The following MSH6 variants were observed in gnomAD, a reference collection of about 807,000 sequenced individuals.
The protein encoded by MSH6 is DNA mismatch repair protein Msh6.
A neutral mutation model predicts 119.1 loss-of-function variants in MSH6; 85 were observed. The observed-to-expected ratio is 0.71, with a 90% CI of 0.60 to 0.85. MSH6 has a LOEUF of 0.85. MSH6 is among the 40% of genes least tolerant of loss of function. The pLI, the probability that MSH6 is intolerant of heterozygous loss-of-function variation, is 0.00. For synonymous variants in MSH6, 830 were observed against 586.9 expected, an observed-to-expected ratio of 1.41 and a Z score of -5.99; for missense variants, 2,163 against 1,655.3, an observed-to-expected ratio of 1.31 and a Z score of -5.32.
At position 47,796,057 on chromosome 2, in the gene MSH6, G is replaced by T. The variant is rs1553411509; in HGVS notation, c.621G>T (p.Glu207Asp). The change falls in exon 3 of 10, where the codon GAG becomes GAT. Residue 207 changes from glutamate to aspartate, a missense_variant. Transcript: ENST00000234420. ...CCTCAGAGCCAGAAGAGGAAGAAGA[G>T]ATGGAGGTGGGACACGGCAAGCATT... ...DEPSEPEEEE[E>D]MEVGTTYVTD... 1 of 1,614,142 alleles carries T rather than the reference G, an allele frequency of 6.2e-7. No homozygotes were observed. Among genetic ancestry groups the T allele is most frequent in the Non-Finnish European group, 8.5e-7 (1 of 1,180,018 alleles).
Position 47,798,609 on chromosome 2 carries a change from A to G in MSH6, c.628-2A>G, listed in dbSNP as rs1114167725. 1 of 1,609,282 alleles carries G rather than the reference A, an allele frequency of 6.2e-7. No individual in the cohort carries two copies. The highest frequency in any genetic ancestry group is 1.3e-5 in the African/African-American group (1 of 74,916). ...TTTAAATACTCTTTCCTTGCCTGGC[A>G]GGTAGGCACAACTTACGTAACAGAT... On this transcript the variant is annotated splice_acceptor_variant, in intron 3 of 9. Coordinates refer to ENST00000234420, the MANE Select transcript of MSH6 (RefSeq NM_000179.3). LOFTEE classifies it high-confidence loss of function.
At chr2:47,804,886 G>A in intron 5 of MSH6, 24 bp from the exon 6 acceptor site, 1 of 1,561,306 alleles carries the variant, frequency 6.4e-7, no homozygotes, top group Non-Finnish European at 8.8e-7. Context: ...AGTCATAAAA[G>A]ACCTTTTCCT....
Position 47,783,255 on chromosome 2 carries a change from T to C in MSH6, c.22T>C (p.Tyr8His), listed in dbSNP as rs781670952. ...CGGTATGTCGCGACAGAGCACCCTGTACAGCTTCTTCCCCAAGTCTCCGGC... is the reference window on the plus strand; with the variant it reads ...CGGTATGTCGCGACAGAGCACCCTGCACAGCTTCTTCCCCAAGTCTCCGGC... MSRQSTL[Y>H]SFFPKSPALS... The change falls in exon 1 of 10, where the codon TAC becomes CAC. Residue 8 changes from tyrosine to histidine, a missense_variant. Coordinates refer to ENST00000234420, the MANE Select transcript of MSH6 (RefSeq NM_000179.3). 1 of 1,612,036 alleles carries C rather than the reference T, an allele frequency of 6.2e-7. No homozygotes were observed. Among genetic ancestry groups the C allele is most frequent in the Non-Finnish European group, 8.5e-7 (1 of 1,179,536 alleles).
rs531674673 is a variant in MSH6 at position 47,804,960 on chromosome 2, A to C, written c.3489A>C (p.Glu1163Asp). Residue 1163 changes from glutamate to aspartate, a missense_variant, in exon 6 of 10, where the codon GAA (glutamate) becomes GAC (aspartate). Glu to Asp is a conservative substitution (Grantham distance 45, BLOSUM62 2). Transcript: ENST00000234420. ...MAQMGCYVPA[E>D]VCRLTPIDRV... ...AGATGGGTTGTTACGTCCCTGCTGA[A>C]GTGTGCAGGCTCACACCAATTGATA... is the stretch of plus-strand genomic sequence containing the variant. 3.1e-6 allele frequency: 5 copies of C among 1,614,158 alleles called. No individual in the cohort carries two copies. The highest frequency in any genetic ancestry group is 2.7e-5 in the African/African-American group (2 of 75,034).
Position 47,788,922 on chromosome 2 carries a change from G to GTTT in MSH6, c.261-1982_261-1980dup, listed in dbSNP as rs1558650240. 6.5e-3 allele frequency among the ~76,000 whole-genome samples: 265 copies of GTTT among 40,890 alleles called. 6 individuals carry two copies. The highest frequency in any genetic ancestry group is 9.8e-3 in the Admixed American group (25 of 2,550). The allele number at this position is 40,890 out of a possible 152,430, so 26.8% of individuals were successfully genotyped here. On this transcript the variant is annotated intron_variant, in intron 1 of 9. Coordinates refer to ENST00000234420, the MANE Select transcript of MSH6 (RefSeq NM_000179.3). Reference sequence around the variant, plus strand: ...TTTCTTCTTCCTTTTTTTTTTTTTTGTTTTTTTTTTTTTTTTTTTTTTTTT... The same window carrying GTTT: ...TTTCTTCTTCCTTTTTTTTTTTTTTGTTTTTTTTTTTTTTTTTTTTTTTTTTTT...
intron 5 of MSH6, 44 bp downstream of exon 5, chr2:47,803,729 C>T (rs2104488345): frequency 6.2e-7 from 1 of 1,609,346 alleles, no homozygotes; most frequent in Non-Finnish European, 8.5e-7. Context: ...TCATTTGTGA[C>T]ATTAGGAATA....
chr2:47,785,352 C>G (rs1417852289), intron 1 of MSH6, among the ~76,000 whole-genome samples: 1 of 152,048 alleles, frequency 6.6e-6, no homozygotes, highest in African/African-American at 2.4e-5. Context: ...CTCAGCTTCC[C>G]GAGTAGCTGG....
Position 47,783,321 on chromosome 2 carries a change from G to C in MSH6, c.88G>C (p.Glu30Gln), listed in dbSNP as rs1445690889. 2.5e-6 allele frequency: 4 copies of C among 1,610,714 alleles called. No individual in the cohort carries two copies. Among genetic ancestry groups the C allele is most frequent in the Non-Finnish European group, 1.7e-6 (2 of 1,178,998 alleles). ...ANKASARASR[E>Q]GGRAAAAPGA... ...CAAGGCCTCGGCCAGGGCCTCACGCGAAGGCGGCCGTGCCGCCGCTGCCCC... is the reference window on the plus strand; with the variant it reads ...CAAGGCCTCGGCCAGGGCCTCACGCCAAGGCGGCCGTGCCGCCGCTGCCCC... Residue 30 changes from glutamate (E) to glutamine (Q), a missense_variant, in exon 1 of 10, where the codon GAA (glutamate) becomes CAA (glutamine). Transcript: ENST00000234420.
Position 47,788,922 on chromosome 2 carries a change from G to GTTTTTTTTTTTTT in MSH6, c.261-1992_261-1980dup, listed in dbSNP as rs1558650240. Among the ~76,000 whole-genome samples the GTTTTTTTTTTTTT allele has an allele frequency of 1.8e-3, 74 of 40,944 alleles. 8 individuals carry two copies. Among genetic ancestry groups the GTTTTTTTTTTTTT allele is most frequent in the African/African-American group, 2.7e-3 (27 of 10,006 alleles). 26.9% of individuals were successfully genotyped at this position (40,944 alleles called of 152,430 possible). A position where few individuals can be genotyped will look rare whatever the true frequency, so the allele number is the denominator to read the frequency against. On this transcript the variant is annotated intron_variant, in intron 1 of 9. Coordinates refer to ENST00000234420, the MANE Select transcript of MSH6 (RefSeq NM_000179.3). ...TTTCTTCTTCCTTTTTTTTTTTTTTGTTTTTTTTTTTTTTTTTTTTTTTTT... is the reference window on the plus strand; with the variant it reads ...TTTCTTCTTCCTTTTTTTTTTTTTTGTTTTTTTTTTTTTTTTTTTTTTTTTTTTTTTTTTTTTT...
At chr2:47,791,780 G>C (rs1219954611) in intron 2 of MSH6, among the ~76,000 whole-genome samples, 1 of 150,602 alleles carries the variant, frequency 6.6e-6, no homozygotes, top group African/African-American at 2.4e-5. Context: ...CTGGGTTCAA[G>C]AGTTTCCTAC....
In MSH6 at chr2:47,799,596, A is replaced by T; in HGVS notation, c.1613A>T (p.Tyr538Phe). The change falls in exon 4 of 10, where the codon TAT (tyrosine) becomes TTT (phenylalanine). Residue 538 changes from tyrosine to phenylalanine, a missense_variant. Coordinates refer to ENST00000234420, the MANE Select transcript of MSH6 (RefSeq NM_000179.3). The stretch of plus-strand genomic sequence containing the variant: ...GATCCCTCTGAGAACTACAGTAAGT[A>T]TCTTCTTAGCCTCAAAGAAAAAGAG... ...EGDPSENYSK[Y>F]LLSLKEKEED... The T allele has an allele frequency of 1.2e-6, 2 of 1,614,238 alleles. No individual in the cohort carries two copies. Among genetic ancestry groups the T allele is most frequent in the South Asian group, 2.2e-5 (2 of 91,084 alleles).
intron 1 of MSH6, 61 bp downstream of exon 1, chr2:47,783,554 C>T (rs1243964368): frequency 7.5e-7 from 1 of 1,338,360 alleles, no homozygotes. Flanking sequence ...TGGAACCCGG[C>T]GAGGGGAGGC....
chr2:47,783,868 A>T, intron 1 of MSH6: 2 of 858,984 alleles, frequency 2.3e-6, no homozygotes, highest in Non-Finnish European at 2.7e-6. Flanking sequence ...GTGGGGCGAG[A>T]AGGGGAAGGC....
Position 47,799,769 on chromosome 2 carries a change from T to A in MSH6, c.1786T>A (p.Phe596Ile), listed in dbSNP as rs587779918. 1.2e-5 allele frequency: 19 copies of A among 1,614,206 alleles called. No individual in the cohort carries two copies. The highest frequency in any genetic ancestry group is 1.6e-5 in the Non-Finnish European group (19 of 1,180,036). Reference sequence around the variant, plus strand: ...ACACTATCCCCCAGTACAAGTTTTATTTGAAAAAGGAAATCTCTCAAAGGA... The same window carrying A: ...ACACTATCCCCCAGTACAAGTTTTAATTGAAAAAGGAAATCTCTCAAAGGA... ...VAHYPPVQVL[F>I]EKGNLSKETK... is the part of the protein sequence containing the mutation. Residue 596 changes from phenylalanine (F) to isoleucine (I), a missense_variant, in exon 4 of 10, where the codon TTT becomes ATT. Physicochemically the swap from Phe to Ile is conservative, Grantham distance 21. Coordinates refer to ENST00000234420, the MANE Select transcript of MSH6 (RefSeq NM_000179.3).
At chr2:47,794,049 G>C (rs1267132484) in intron 2 of MSH6, among the ~76,000 whole-genome samples, 1 of 43,828 alleles carries the variant, frequency 2.3e-5, no homozygotes, top group Non-Finnish European at 4.3e-5. Context: ...TTTAAAAAGA[G>C]ATCAGTAAGG....
At chr2:47,809,230 T>C, downstream of MSH6, 2 of 1,604,148 alleles carry the variant, frequency 1.2e-6, no homozygotes, top group Non-Finnish European at 1.7e-6. Flanking sequence ...ACTAACAGCC[T>C]TTTCTATGGC....
chr2:47,786,396 G>T (rs1054422297), intron 1 of MSH6, among the ~76,000 whole-genome samples: 1 of 151,456 alleles, frequency 6.6e-6, no homozygotes, highest in African/African-American at 2.4e-5. Flanking sequence ...GTGCAGTGGT[G>T]TGGTCTCAGC....
chr2:47,795,611 GCA>G lies in MSH6; in HGVS notation c.458-279_458-278del, dbSNP rs540325998. Among the ~76,000 whole-genome samples the G allele has an allele frequency of 4.0e-5, 6 of 151,662 alleles. No individual in the cohort carries two copies. The East Asian group carries it at 9.7e-4, about 24-fold the overall frequency. On this transcript the variant is annotated intron_variant, in intron 2 of 9. Coordinates refer to ENST00000234420, the MANE Select transcript of MSH6 (RefSeq NM_000179.3). The stretch of plus-strand genomic sequence containing the variant: ...CTCCCAAGTAGCTGGGACTACAGGC[GCA>G]CACCACCACCCTTGGCTAATTTTTG...
chr2:47,790,014 T>C (rs940200789), intron 1 of MSH6, among the ~76,000 whole-genome samples: 2 of 152,188 alleles, frequency 1.3e-5, no homozygotes, highest in South Asian at 2.1e-4. Context: ...AAATTTTTGA[T>C]TTAAAATTTT....
Sources: gnomAD v4.1 joint callset for allele counts (sites outside exome capture counted in the v4.1 genomes callset) on GRCh38, gnomAD v4.1.1 for gene constraint, MANE v1.5 for transcripts, NCBI Gene and HGNC (gene_info 2026-07-23, HGNC 2026-07-21) for gene names.